The following ARHGEF11 variants were observed in gnomAD, a reference collection of about 807,000 sequenced individuals.
ARHGEF11 encodes the protein Rho guanine exchange factor (GEF) 11.
Under a neutral mutation model 193.7 loss-of-function variants are expected in ARHGEF11, and 55 were observed. The observed-to-expected ratio is 0.28, with a 90% CI of 0.23 to 0.36. ARHGEF11 has a LOEUF of 0.36. Ranked by LOEUF, ARHGEF11 falls within the 10% of genes least tolerant of loss-of-function variation. ARHGEF11 has a pLI of 1.00. For missense variants in ARHGEF11, 1,723 were observed against 2,005.6 expected (o/e 0.86, Z 2.69); for synonymous variants, 693 against 768.0 (o/e 0.90, Z 1.62).
At chr1:157,011,369 T>C (rs1668520125) in intron 1 of ARHGEF11, among the ~76,000 whole-genome samples, 1 of 152,194 alleles carries the variant, frequency 6.6e-6, no homozygotes. Flanking sequence ...CTGACCTAAC[T>C]GTAAAACTCT....
intron 1 of ARHGEF11, among the ~76,000 whole-genome samples, chr1:157,014,806 G>C (rs1314319115): frequency 1.3e-5 from 2 of 152,200 alleles, no homozygotes; most frequent in African/African-American, 4.8e-5. Flanking sequence ...CTCTCTGCAT[G>C]CAACAATGTT....
rs1553192804 is a variant in ARHGEF11, at chr1:156,936,497, AATATATAT to A, written c.4630+311_4630+318del. Among the ~76,000 whole-genome samples, 25 of 33,934 alleles carry A rather than the reference AATATATAT, an allele frequency of 7.4e-4. 1 individual carries two copies. Among genetic ancestry groups the A allele is most frequent in the African/African-American group, 2.6e-3 (17 of 6,490 alleles). 22.3% of individuals were successfully genotyped at this position (33,934 alleles called of 152,430 possible). A position where few individuals can be genotyped will look rare whatever the true frequency, so the allele number is the denominator to read the frequency against. On this transcript the variant is annotated intron_variant, in intron 40 of 40. Transcript: ENST00000368194. ...AATAAATAGAAAAAAAAAAAAAAAA[AATATATAT>A]ATATATATATATATATATATAAAAT...
Position 157,044,556 on chromosome 1 carries a change from AAAAAG to A in ARHGEF11, c.-231_-227del, listed in dbSNP as rs1269939088. 4.3e-5 allele frequency: 20 copies of A among 460,162 alleles called. No individual in the cohort carries two copies. Among genetic ancestry groups the A allele is most frequent in the Admixed American group, 1.5e-4 (4 of 27,508 alleles). The allele number at this position is 460,162 out of a possible 1,614,324, so 28.5% of individuals were successfully genotyped here. ...CCTCTTCCCCTCCCCCGCTTTAAAAAAAAAGAAAAGAAAAGAAAAAAGAAAAAAAA... is the reference window on the plus strand; with the variant it reads ...CCTCTTCCCCTCCCCCGCTTTAAAAAAAAAGAAAAGAAAAAAGAAAAAAAA... On this transcript the variant is annotated 5_prime_UTR_variant, in exon 1 of 41. Transcript: ENST00000368194.
At chr1:156,980,414 G>C in intron 4 of ARHGEF11, 23 bp downstream of exon 4, 4 of 1,599,838 alleles carry the variant, frequency 2.5e-6, no homozygotes, top group Middle Eastern at 1.7e-4. Flanking sequence ...CTGGGAGTGG[G>C]AGTGTGTGTT....
intron 17 of ARHGEF11, 140 bp from the exon 18 acceptor site, chr1:156,957,955 C>T: frequency 1.3e-6 from 1 of 755,348 alleles, no homozygotes; most frequent in Non-Finnish European, 2.3e-6. Context: ...GTCTGATGCA[C>T]AAGTATTTGG....
At chr1:156,983,254 G>A (rs907937612) in intron 3 of ARHGEF11, among the ~76,000 whole-genome samples, 2 of 151,726 alleles carry the variant, frequency 1.3e-5, no homozygotes, top group South Asian at 2.1e-4. Context: ...ACGGAGTCTC[G>A]CTCAGTCACC....
At chr1:156,952,058 G>A (rs1198798935) in intron 21 of ARHGEF11, among the ~76,000 whole-genome samples, 1 of 151,976 alleles carries the variant, frequency 6.6e-6, no homozygotes. Context: ...AAACAGCCAG[G>A]AAGACCAAAG....
intron 34 of ARHGEF11, 95 bp downstream of exon 34, chr1:156,941,769 G>A (rs1170303445): frequency 2.0e-6 from 3 of 1,493,680 alleles, no homozygotes; most frequent in Non-Finnish European, 1.8e-6. Context: ...CCCTGTTGTG[G>A]CTGTCTACCC....
chr1:157,013,016 G>C (rs1158107847), intron 1 of ARHGEF11, among the ~76,000 whole-genome samples: 2 of 152,044 alleles, frequency 1.3e-5, no homozygotes, highest in South Asian at 2.1e-4. Context: ...ACTTTTTAGG[G>C]GGCGTTGACA....
At chr1:157,011,928 T>C (rs1668593747) in intron 1 of ARHGEF11, among the ~76,000 whole-genome samples, 1 of 152,156 alleles carries the variant, frequency 6.6e-6, no homozygotes. Context: ...TCACAGTTCT[T>C]CAAAATGTTA....
At chr1:157,036,194 TGA>T (rs1557991956) in intron 1 of ARHGEF11, among the ~76,000 whole-genome samples, 129 of 114,986 alleles carry the variant, frequency 1.1e-3, no homozygotes, top group Middle Eastern at 8.8e-3. Flanking sequence ...AATACATATA[TGA>T]ATATATATAC....
rs1471290716 is a variant in ARHGEF11, at chr1:156,940,447, T to C, written c.3515-22A>G. ...GTGCCTGTTTCGGATGAGAGAAGAT[T>C]GTAAGGCAGGGAAAGGGAGAGGGCA... On this transcript the variant is annotated intron_variant, in intron 35 of 40. Transcript: ENST00000368194. 13 of 1,582,956 alleles carry C rather than the reference T, an allele frequency of 8.2e-6. No individual in the cohort carries two copies. The Admixed American group carries it at 1.0e-4, about 12-fold the overall frequency.
intron 1 of ARHGEF11, among the ~76,000 whole-genome samples, chr1:157,036,790 T>A (rs934660604): frequency 8.5e-5 from 13 of 152,162 alleles, no homozygotes; most frequent in Non-Finnish European, 2.9e-5. Context: ...TCAATAGCAC[T>A]ACCCTTCTCC....
At chr1:156,998,144 T>A (rs184414328) in intron 1 of ARHGEF11, among the ~76,000 whole-genome samples, 7 of 152,186 alleles carry the variant, frequency 4.6e-5, no homozygotes, top group Non-Finnish European at 7.4e-5. Flanking sequence ...AGTCCTAGAG[T>A]AAAGAGGCAC....
In ARHGEF11 at chr1:156,963,613, T is replaced by C. The variant is rs763352071; in HGVS notation, c.964-19A>G. 5 of 1,612,292 alleles carry C rather than the reference T, an allele frequency of 3.1e-6. No homozygotes were observed. Among genetic ancestry groups the C allele is most frequent in the South Asian group, 1.1e-5 (1 of 90,708 alleles). ...CTACACCCTGGGGGAGAGAGTCAAA[T>C]TGCAGAGATGAGAGGTTATAGAGGA... On this transcript the variant is annotated intron_variant, in intron 11 of 40. Transcript: ENST00000368194.
rs867791189 is a variant in ARHGEF11 at position 156,986,097 on chromosome 1, C to A, written c.109G>T (p.Ala37Ser). Reference sequence around the variant, plus strand: ...AGGAGGTTACCTGTTGTCTCAGAGGCATCCGAAGGCTGGCGATGGTGGGAA... The same window carrying A: ...AGGAGGTTACCTGTTGTCTCAGAGGAATCCGAAGGCTGGCGATGGTGGGAA... ...SPSHHRQPSD[A>S]SETTGLVQRC... The change falls in exon 2 of 41, where the codon GCC becomes TCC. Residue 37 changes from alanine (A) to serine (S), a missense_variant. Ala to Ser is a moderately conservative substitution (Grantham distance 99). Around this residue, in one of 5 missense-constraint regions of ARHGEF11, gnomAD observed 646 missense variants for 710.7 expected, o/e 0.91. Transcript: ENST00000368194. 6.2e-7 allele frequency: 1 copy of A among 1,613,764 alleles called. No homozygotes were observed. The highest frequency in any genetic ancestry group is 1.3e-5 in the African/African-American group (1 of 74,908).
At chr1:157,036,313 TTTTG>T (rs1361382178) in intron 1 of ARHGEF11, among the ~76,000 whole-genome samples, 2 of 151,126 alleles carry the variant, frequency 1.3e-5, no homozygotes, top group African/African-American at 2.4e-5. Flanking sequence ...ACTCACTTTT[TTTTG>T]TTTGTTTTTT....
chr1:157,001,778 C>T (rs1388786396), intron 1 of ARHGEF11, among the ~76,000 whole-genome samples: 1 of 152,222 alleles, frequency 6.6e-6, no homozygotes, highest in African/African-American at 2.4e-5. Flanking sequence ...TACTGAATTA[C>T]ATCTTTGATA....
intron 1 of ARHGEF11, among the ~76,000 whole-genome samples, chr1:157,013,276 C>T (rs1202558250): frequency 6.7e-6 from 1 of 148,334 alleles, no homozygotes; most frequent in African/African-American, 2.5e-5. Context: ...CACACACACA[C>T]ACACACACAC....
Sources: gnomAD v4.1 joint callset for allele counts (sites outside exome capture counted in the v4.1 genomes callset) on GRCh38, gnomAD v4.1.1 for gene constraint, gnomAD v4.1.1 regional missense constraint, MANE v1.5 for transcripts, NCBI Gene and HGNC (gene_info 2026-07-23, HGNC 2026-07-21) for gene names.